PDE4D: variants seen among roughly 807,000 people sequenced by gnomAD.
PDE4D encodes 3',5'-cyclic-AMP phosphodiesterase 4D.
A neutral mutation model predicts 87.4 loss-of-function variants in PDE4D; 24 were observed. The observed-to-expected ratio is 0.27, with a 90% CI of 0.20 to 0.39. PDE4D has a LOEUF of 0.39. PDE4D is among the 10% of genes least tolerant of loss of function. PDE4D has a pLI of 1.00. For missense variants in PDE4D, 714 were observed against 1,041.0 expected (o/e 0.69, Z 4.32); for synonymous variants, 384 against 383.2 (o/e 1.00, Z -0.02).
chr5:60,447,449 C>T (rs1057141364), intron 1 of PDE4D, among the ~76,000 whole-genome samples: 2 of 152,038 alleles, frequency 1.3e-5, no homozygotes, highest in African/African-American at 2.4e-5. Flanking sequence ...TTGCTTCTCC[C>T]CTCCTTTCAA....
chr5:60,154,858 C>T (rs973057415), intron 2 of PDE4D, among the ~76,000 whole-genome samples: 2 of 152,106 alleles, frequency 1.3e-5, no homozygotes, highest in Non-Finnish European at 2.9e-5. Context: ...TGCCTGGCAA[C>T]CTTATGTTGA....
Position 58,975,895 on chromosome 5 carries a change from A to G in PDE4D, c.1831-56T>C. 1 of 1,263,410 alleles carries G rather than the reference A, an allele frequency of 7.9e-7. No individual in the cohort carries two copies. Among genetic ancestry groups the G allele is most frequent in the Non-Finnish European group, 1.1e-6 (1 of 948,926 alleles). 78.3% of individuals were successfully genotyped at this position (1,263,410 alleles called of 1,614,324 possible). On this transcript the variant is annotated intron_variant, in intron 13 of 14. Transcript: ENST00000340635. The surrounding 1 kb of genome is among the most constrained non-coding windows in gnomAD (Gnocchi z 4.2). ...TCCTGTTCCTTTTTTTTAAAAAAAA[A>G]AACAAAAAAAACTAGAAATTCACAT...
intron 3 of PDE4D, among the ~76,000 whole-genome samples, chr5:59,959,486 C>G (rs1382820477): frequency 2.6e-5 from 4 of 152,152 alleles, no homozygotes; most frequent in African/African-American, 9.7e-5. Context: ...GTAACCAAAA[C>G]AGAATGATAC....
At chr5:59,482,106 T>C (rs1804374892) in intron 1 of PDE4D, among the ~76,000 whole-genome samples, 1 of 152,054 alleles carries the variant, frequency 6.6e-6, no homozygotes, top group South Asian at 2.1e-4. Context: ...GACCTAAGAG[T>C]AAGTCTCTAG....
intron 1 of PDE4D, among the ~76,000 whole-genome samples, chr5:59,476,615 C>T (rs114795314): frequency 0.016 from 2,371 of 152,112 alleles, 79 homozygotes; most frequent in African/African-American, 0.055. Context: ...GAGATAGTCT[C>T]CTTTGGCTGG....
chr5:58,975,867 C>A lies in PDE4D; in HGVS notation c.1831-28G>T, dbSNP rs1478362321. 2 of 1,342,286 alleles carry A rather than the reference C, an allele frequency of 1.5e-6. No individual in the cohort carries two copies. The highest frequency in any genetic ancestry group is 2.0e-6 in the Non-Finnish European group (2 of 1,022,314). 83.1% of individuals were successfully genotyped at this position (1,342,286 alleles called of 1,614,324 possible). A position where few individuals can be genotyped will look rare whatever the true frequency, so the allele number is the denominator to read the frequency against. On this transcript the variant is annotated intron_variant, in intron 13 of 14. Coordinates refer to ENST00000340635, the MANE Select transcript of PDE4D (RefSeq NM_001104631.2). The surrounding 1 kb of genome is among the most constrained non-coding windows in gnomAD (Gnocchi z 4.2). ...AAAATAGATGGATGCATTCTCTATT[C>A]ACTCCTGTTCCTTTTTTTTAAAAAA... is the stretch of plus-strand genomic sequence containing the variant.
chr5:60,053,033 T>A (rs1770361158), intron 2 of PDE4D, among the ~76,000 whole-genome samples: 1 of 152,030 alleles, frequency 6.6e-6, no homozygotes, highest in Non-Finnish European at 1.5e-5. Context: ...CTCAAGGAAA[T>A]AAGAGAGGAC....
chr5:59,448,623 T>G (rs1798687376), intron 1 of PDE4D, among the ~76,000 whole-genome samples: 1 of 152,150 alleles, frequency 6.6e-6, no homozygotes, highest in Non-Finnish European at 1.5e-5. Flanking sequence ...TGTAGAATAA[T>G]GTAGTAGAAT....
At chr5:59,680,884 A>G (rs1748890649) in intron 1 of PDE4D, among the ~76,000 whole-genome samples, 1 of 152,142 alleles carries the variant, frequency 6.6e-6, no homozygotes, top group African/African-American at 2.4e-5. Flanking sequence ...ATGATGGATT[A>G]TCATTGTGAA....
chr5:59,373,387 G>A (rs781559209), intron 1 of PDE4D, among the ~76,000 whole-genome samples: 1 of 152,100 alleles, frequency 6.6e-6, no homozygotes, highest in Non-Finnish European at 1.5e-5. Context: ...GTAATTACAA[G>A]TACTAATAAC....
chr5:60,127,737 G>A, intron 2 of PDE4D: 1 of 562,466 alleles, frequency 1.8e-6, no homozygotes, highest in East Asian at 3.0e-5. Flanking sequence ...AAATGCCTCT[G>A]AAACACTCAA....
At chr5:59,933,005 C>G (rs1756146201) in intron 3 of PDE4D, among the ~76,000 whole-genome samples, 2 of 152,080 alleles carry the variant, frequency 1.3e-5, no homozygotes, top group Non-Finnish European at 2.9e-5. Context: ...GGAGCCATAC[C>G]AAAACACTAT....
At chr5:60,149,404 T>C (rs905535324) in intron 2 of PDE4D, among the ~76,000 whole-genome samples, 1 of 152,176 alleles carries the variant, frequency 6.6e-6, no homozygotes, top group African/African-American at 2.4e-5. Context: ...ATTAATCTAT[T>C]CATGATGGAA....
intron 3 of PDE4D, among the ~76,000 whole-genome samples, chr5:59,970,956 C>T (rs1282246593): frequency 1.3e-5 from 2 of 150,630 alleles, no homozygotes; most frequent in Non-Finnish European, 3.0e-5. Flanking sequence ...TGGAACCAAC[C>T]CAAATGTCCA....
intron 1 of PDE4D, among the ~76,000 whole-genome samples, chr5:59,297,964 G>A (rs952237087): frequency 6.6e-6 from 1 of 152,070 alleles, no homozygotes; most frequent in African/African-American, 2.4e-5. Flanking sequence ...TTGAGGCCAT[G>A]TAAAGAAGAA....
At chr5:59,647,175 T>G (rs1394840549) in intron 1 of PDE4D, among the ~76,000 whole-genome samples, 2 of 152,188 alleles carry the variant, frequency 1.3e-5, no homozygotes, top group Admixed American at 1.3e-4. Context: ...TTCATCAAGT[T>G]CATCAAATTA....
intron 3 of PDE4D, among the ~76,000 whole-genome samples, chr5:59,914,298 C>G (rs1274694536): frequency 1.3e-5 from 2 of 151,838 alleles, no homozygotes; most frequent in African/African-American, 4.8e-5. Context: ...GGTTAAGGAG[C>G]CTGGGAAAGG....
intron 5 of PDE4D, chr5:59,180,340 C>T (rs1214050429): frequency 1.5e-6 from 1 of 658,942 alleles, no homozygotes; most frequent in South Asian, 1.5e-5. Flanking sequence ...CAGAGCAATG[C>T]TCAAATGAGT....
intron 1 of PDE4D, among the ~76,000 whole-genome samples, chr5:59,520,936 G>GTA (rs543549059): frequency 4.9e-4 from 74 of 151,580 alleles, no homozygotes; most frequent in East Asian, 3.7e-3. Context: ...CTGTATGTGT[G>GTA]TATATATATA....
Sources: gnomAD v4.1 joint callset for allele counts (sites outside exome capture counted in the v4.1 genomes callset) on GRCh38, gnomAD v4.1.1 for gene constraint, Gnocchi (gnomAD v3.1) non-coding constraint, MANE v1.5 for transcripts, NCBI Gene and HGNC (gene_info 2026-07-23, HGNC 2026-07-21) for gene names.